NTNG1: variants seen among roughly 807,000 people sequenced by gnomAD.
NTNG1 encodes netrin G1, also known as netrin-G1.
Under a neutral mutation model 54.0 loss-of-function variants are expected in NTNG1, and 16 were observed. The ratio of observed to expected loss-of-function variants is 0.30; its 90% CI spans 0.20 to 0.45. The LOEUF is 0.45. Ranked by LOEUF, NTNG1 falls within the 20% of genes least tolerant of loss-of-function variation. The probability of loss-of-function intolerance (pLI) is 1.00; values close to 1 mark genes in which losing one functional copy is unlikely to be tolerated. For synonymous variants in NTNG1, 255 were observed against 263.1 expected, an observed-to-expected ratio of 0.97 and a Z score of 0.30; for missense variants, 530 against 678.7, an observed-to-expected ratio of 0.78 and a Z score of 2.43.
intron 5 of NTNG1, among the ~76,000 whole-genome samples, chr1:107,425,543 A>G (rs921938450): frequency 6.6e-6 from 1 of 152,128 alleles, no homozygotes; most frequent in Non-Finnish European, 1.5e-5. Flanking sequence ...ATAGTATTTC[A>G]TCATGTATAT....
intron 2 of NTNG1, among the ~76,000 whole-genome samples, chr1:107,186,286 T>G (rs1657455423): frequency 6.6e-6 from 1 of 152,166 alleles, no homozygotes. Flanking sequence ...ATCTCTCATC[T>G]GAATTATGGT....
intron 7 of NTNG1, among the ~76,000 whole-genome samples, chr1:107,466,876 G>A (rs1391625621): frequency 1.3e-5 from 2 of 152,132 alleles, no homozygotes; most frequent in Non-Finnish European, 2.9e-5. Context: ...TCTTCGAAAA[G>A]CTGTAAAATA....
intron 2 of NTNG1, among the ~76,000 whole-genome samples, chr1:107,272,088 A>G (rs1431043103): frequency 1.3e-5 from 2 of 152,190 alleles, no homozygotes; most frequent in Non-Finnish European, 2.9e-5. Context: ...GGTGTTCTTA[A>G]GTGACTCTCC....
intron 2 of NTNG1, among the ~76,000 whole-genome samples, chr1:107,291,823 C>T (rs1488413781): frequency 6.6e-6 from 1 of 152,082 alleles, no homozygotes. Context: ...TAGACATGAC[C>T]TTATTAAAAT....
intron 2 of NTNG1, among the ~76,000 whole-genome samples, chr1:107,221,383 A>G (rs1453122956): frequency 2.0e-5 from 3 of 152,206 alleles, no homozygotes; most frequent in Non-Finnish European, 1.5e-5. Flanking sequence ...GGCAAAGCTG[A>G]TCATGGCCTA....
In NTNG1 at chr1:107,159,763, G is replaced by T. The variant is rs149222112; in HGVS notation, c.246+10924G>T. On this transcript the variant is annotated intron_variant, in intron 2 of 7. Transcript: ENST00000370068. ...TTGTTATTTAAAAAGCCTTTCATCTGAAATAACCTCAGAAAATTGGATTGT... is the reference window on the plus strand; with the variant it reads ...TTGTTATTTAAAAAGCCTTTCATCTTAAATAACCTCAGAAAATTGGATTGT... Among the ~76,000 whole-genome samples, 1,387 of 152,290 alleles carry T rather than the reference G, an allele frequency of 9.1e-3. 14 individuals are homozygous for T. Among genetic ancestry groups the T allele is most frequent in the Middle Eastern group, 0.02 (6 of 294 alleles).
intron 3 of NTNG1, among the ~76,000 whole-genome samples, chr1:107,329,256 TC>T (rs1668137817): frequency 6.6e-6 from 1 of 152,138 alleles, no homozygotes; most frequent in Non-Finnish European, 1.5e-5. Context: ...CCCTGCCTAA[TC>T]CCAGGACCTG....
intron 2 of NTNG1, among the ~76,000 whole-genome samples, chr1:107,296,766 A>T (rs1665967430): frequency 6.7e-6 from 1 of 148,386 alleles, no homozygotes; most frequent in South Asian, 2.1e-4. Flanking sequence ...TTCCAGTTAT[A>T]TATGTTATGT....
At chr1:107,171,964 G>A (rs1656280446) in intron 2 of NTNG1, among the ~76,000 whole-genome samples, 1 of 151,770 alleles carries the variant, frequency 6.6e-6, no homozygotes, top group Non-Finnish European at 1.5e-5. Flanking sequence ...GATGGCAAGT[G>A]AGAAATCTAG....
At chr1:107,478,579 T>G (rs1306542657) in intron 7 of NTNG1, among the ~76,000 whole-genome samples, 2 of 152,156 alleles carry the variant, frequency 1.3e-5, no homozygotes, top group Non-Finnish European at 2.9e-5. Flanking sequence ...TAACTATTGA[T>G]TTCTTCTCAA....
intron 2 of NTNG1, among the ~76,000 whole-genome samples, chr1:107,294,493 T>C (rs1324015814): frequency 1.3e-5 from 2 of 152,178 alleles, no homozygotes; most frequent in African/African-American, 4.8e-5. Context: ...CCTTCCTTTT[T>C]TCCTTTCCAC....
intron 4 of NTNG1, among the ~76,000 whole-genome samples, chr1:107,401,625 G>A (rs1172448510): frequency 6.6e-6 from 1 of 151,120 alleles, no homozygotes; most frequent in African/African-American, 2.4e-5. Context: ...TTGCCACCAA[G>A]TTAATTCAGA....
intron 3 of NTNG1, among the ~76,000 whole-genome samples, chr1:107,381,127 C>G (rs1006235611): frequency 6.6e-6 from 1 of 151,840 alleles, no homozygotes; most frequent in Admixed American, 6.6e-5. Context: ...TATCAAGTAC[C>G]TACTCATGTG....
chr1:107,153,075 A>G (rs1313123307), intron 2 of NTNG1, among the ~76,000 whole-genome samples: 1 of 152,228 alleles, frequency 6.6e-6, no homozygotes, highest in African/African-American at 2.4e-5. Flanking sequence ...ATTATGAAAG[A>G]AACTTTAATT....
At position 107,415,206 on chromosome 1, in the gene NTNG1, T is replaced by C. The variant is rs904035331; in HGVS notation, c.1087+7498T>C. Among the ~76,000 whole-genome samples the C allele has an allele frequency of 2.0e-5, 3 of 152,284 alleles. No individual in the cohort carries two copies. In the East Asian group the frequency reaches 5.8e-4, roughly 29 times the overall value. On this transcript the variant is annotated intron_variant, in intron 5 of 7. Coordinates refer to ENST00000370068, the MANE Select transcript of NTNG1 (RefSeq NM_001113226.3). ...AAGCTATTCTTGAATGATTTGCCAT[T>C]TACAAGCATATCGTGATCCTTCCCC...
At chr1:107,243,611 C>T (rs1402744360) in intron 2 of NTNG1, among the ~76,000 whole-genome samples, 4 of 152,020 alleles carry the variant, frequency 2.6e-5, no homozygotes, top group Non-Finnish European at 4.4e-5. Context: ...GGCTAGAGCG[C>T]ACCAGCTGTT....
intron 3 of NTNG1, among the ~76,000 whole-genome samples, chr1:107,382,216 C>T (rs1012403089): frequency 3.3e-5 from 5 of 152,042 alleles, no homozygotes; most frequent in Non-Finnish European, 5.9e-5. Context: ...CATGCAACCT[C>T]ACTACAACTT....
chr1:107,197,069 A>G (rs1234594032), intron 2 of NTNG1, among the ~76,000 whole-genome samples: 3 of 152,052 alleles, frequency 2.0e-5, no homozygotes, highest in African/African-American at 7.2e-5. Flanking sequence ...TAGCGTATAA[A>G]AGTTTAGTGT....
chr1:107,480,588 C>CCCCAA, intron 7 of NTNG1, 23 bp from the exon 8 acceptor site: 1 of 1,119,758 alleles, frequency 8.9e-7, no homozygotes. Context: ...CCACCCACCC[C>CCCCAA]TACCTTCCCC....
Sources: allele counts gnomAD v4.1 joint callset (sites outside exome capture counted in the v4.1 genomes callset), GRCh38; gene constraint gnomAD v4.1.1; transcripts MANE v1.5; gene names NCBI Gene and HGNC (gene_info 2026-07-23, HGNC 2026-07-21).